Variants in MAGI3 observed in about 807,000 individuals in gnomAD.
The protein encoded by MAGI3 is membrane-associated guanylate kinase, WW and PDZ domain-containing protein 3.
In MAGI3, 43 loss-of-function variants were observed where a neutral mutation model predicts 121.8. The observed-to-expected ratio is 0.35, with a 90% confidence interval of 0.28 to 0.46. MAGI3 has a LOEUF of 0.46. MAGI3 is among the 20% of genes least tolerant of loss of function. The pLI is 1.00. For missense variants in MAGI3, 1,547 were observed against 1,797.3 expected, an observed-to-expected ratio of 0.86 and a Z score of 2.52; for synonymous variants, 553 against 639.3, an observed-to-expected ratio of 0.86 and a Z score of 2.04.
At chr1:113,603,788 A>T (rs867655057) in intron 6 of MAGI3, among the ~76,000 whole-genome samples, 8 of 152,320 alleles carry the variant, frequency 5.3e-5, no homozygotes, top group Middle Eastern at 3.4e-3. Flanking sequence ...CAGAAAAATA[A>T]ATAAATAAAA....
At chr1:113,549,478 A>G (rs764774063) in intron 1 of MAGI3, 37 bp from the exon 2 acceptor site, 5 of 1,206,616 alleles carry the variant, frequency 4.1e-6, no homozygotes, top group Non-Finnish European at 6.0e-6. Flanking sequence ...AAAATTATGC[A>G]TTTATTTTCT....
chr1:113,538,014 C>G (rs1449328519), intron 1 of MAGI3, among the ~76,000 whole-genome samples: 1 of 152,170 alleles, frequency 6.6e-6, no homozygotes, highest in African/African-American at 2.4e-5. Context: ...TAACCATTTA[C>G]TGCAGAAAAG....
intron 1 of MAGI3, among the ~76,000 whole-genome samples, chr1:113,439,120 A>G (rs998232377): frequency 6.6e-6 from 1 of 152,222 alleles, no homozygotes; most frequent in African/African-American, 2.4e-5. Context: ...GCAAGCTAAT[A>G]AGTAACTAAT....
chr1:113,488,679 G>A (rs1656520940), intron 1 of MAGI3, among the ~76,000 whole-genome samples: 1 of 152,180 alleles, frequency 6.6e-6, no homozygotes, highest in Non-Finnish European at 1.5e-5. Flanking sequence ...GTGTGAGGGA[G>A]TGCAGTCCGA....
intron 1 of MAGI3, among the ~76,000 whole-genome samples, chr1:113,446,990 G>A (rs1267942754): frequency 6.6e-6 from 1 of 152,150 alleles, no homozygotes; most frequent in Non-Finnish European, 1.5e-5. Context: ...GGTTGCCAGG[G>A]GTGCAGTGGA....
rs1303012710 is a variant in MAGI3, at chr1:113,423,260, G to GT, written c.316+31911_316+31912insT. 1.6e-3 allele frequency among the ~76,000 whole-genome samples: 143 copies of GT among 92,238 alleles called. 1 individual carries two copies. Among genetic ancestry groups the GT allele is most frequent in the Non-Finnish European group, 2.6e-3 (111 of 42,678 alleles). The allele number at this position is 92,238 out of a possible 152,430, so 60.5% of individuals were successfully genotyped here. A position where few individuals can be genotyped will look rare whatever the true frequency, so the allele number is the denominator to read the frequency against. On this transcript the variant is annotated intron_variant, in intron 1 of 20. Coordinates refer to ENST00000307546, the MANE Select transcript of MAGI3 (RefSeq NM_001142782.2). ...GGTAAGTATTCGTTTTTTTTTTTTT[G>GT]GGGGGGGGGTTGTTTTTGTTTTTGT...
chr1:113,413,090 G>A (rs1484293366), intron 1 of MAGI3, among the ~76,000 whole-genome samples: 11 of 151,980 alleles, frequency 7.2e-5, no homozygotes, highest in Admixed American at 5.2e-4. Context: ...TCAGCTTTCT[G>A]TATATGGCTA....
intron 1 of MAGI3, among the ~76,000 whole-genome samples, chr1:113,547,718 G>T (rs1451337593): frequency 7.2e-5 from 11 of 152,122 alleles, no homozygotes; most frequent in Admixed American, 2.0e-4. Flanking sequence ...GTGATGAATA[G>T]TATACTGTAT....
intron 1 of MAGI3, among the ~76,000 whole-genome samples, chr1:113,417,355 G>A (rs1652509144): frequency 6.6e-6 from 1 of 152,054 alleles, no homozygotes; most frequent in African/African-American, 2.4e-5. Context: ...TATTATAGAA[G>A]TGGATTTTGG....
chr1:113,571,452 G>A (rs1008426361), intron 2 of MAGI3, among the ~76,000 whole-genome samples: 1 of 152,142 alleles, frequency 6.6e-6, no homozygotes, highest in African/African-American at 2.4e-5. Flanking sequence ...GCTTGATGGG[G>A]ATAGCATTGA....
rs1289165296 is a variant in MAGI3 at position 113,461,300 on chromosome 1, T to A, written c.316+69951T>A. ...GGGAATCCTAAGCAAAAAGAACAAGTGCCAGAGGCATCATGTTACCCAACT... is the reference window on the plus strand; with the variant it reads ...GGGAATCCTAAGCAAAAAGAACAAGAGCCAGAGGCATCATGTTACCCAACT... On this transcript the variant is annotated intron_variant, in intron 1 of 20. Coordinates refer to ENST00000307546, the MANE Select transcript of MAGI3 (RefSeq NM_001142782.2). Among the ~76,000 whole-genome samples the A allele has an allele frequency of 2.6e-5, 4 of 151,984 alleles. No individual in the cohort carries two copies. In the East Asian group the frequency reaches 5.8e-4, roughly 22 times the overall value.
At chr1:113,548,805 G>A (rs1051324082) in intron 1 of MAGI3, among the ~76,000 whole-genome samples, 1 of 152,222 alleles carries the variant, frequency 6.6e-6, no homozygotes, top group African/African-American at 2.4e-5. Context: ...CCGATTAGAA[G>A]GCTGGGACAG....
At chr1:113,530,842 G>T (rs1658681324) in intron 1 of MAGI3, among the ~76,000 whole-genome samples, 1 of 151,918 alleles carries the variant, frequency 6.6e-6, no homozygotes. Context: ...CTTGAGCCTA[G>T]GGGGTCGAGG....
chr1:113,421,205 G>T (rs890225091), intron 1 of MAGI3, among the ~76,000 whole-genome samples: 22 of 152,148 alleles, frequency 1.4e-4, no homozygotes, highest in Middle Eastern at 3.4e-3. Flanking sequence ...AAATTTCCAT[G>T]GTTTCTGTAG....
intron 2 of MAGI3, among the ~76,000 whole-genome samples, chr1:113,561,253 C>G (rs372643835): frequency 6.6e-6 from 1 of 152,218 alleles, no homozygotes. Flanking sequence ...GGACTCCTCC[C>G]TAACCATTTT....
At chr1:113,619,250 T>G (rs1200899924) in intron 7 of MAGI3, among the ~76,000 whole-genome samples, 3 of 152,220 alleles carry the variant, frequency 2.0e-5, no homozygotes, top group Non-Finnish European at 4.4e-5. Context: ...TTTTCTTAGT[T>G]GCTACTGAAC....
At chr1:113,532,237 C>G (rs1011970630) in intron 1 of MAGI3, among the ~76,000 whole-genome samples, 4 of 151,920 alleles carry the variant, frequency 2.6e-5, no homozygotes, top group Non-Finnish European at 4.4e-5. Context: ...TTTATAGAGT[C>G]AAATATGAAT....
intron 6 of MAGI3, among the ~76,000 whole-genome samples, chr1:113,609,605 A>T (rs1376218458): frequency 6.6e-6 from 1 of 152,216 alleles, no homozygotes; most frequent in Admixed American, 6.5e-5. Flanking sequence ...GCAGCTTACA[A>T]ATATATTGAA....
rs181520567 is a variant in MAGI3, at chr1:113,578,351, C to T, written c.434-2191C>T. Among the ~76,000 whole-genome samples the T allele has an allele frequency of 8.5e-5, 13 of 152,198 alleles. No homozygotes were observed. In the East Asian group the frequency reaches 2.1e-3, roughly 25 times the overall value. On this transcript the variant is annotated intron_variant, in intron 2 of 20. Transcript: ENST00000307546. The stretch of plus-strand genomic sequence containing the variant: ...CCACCTCTTAGGAGGTGCAGAATAT[C>T]GTCATCATATTTTTTCCATCTGTCA...
Sources: allele counts gnomAD v4.1 joint callset (sites outside exome capture counted in the v4.1 genomes callset), GRCh38; gene constraint gnomAD v4.1.1; transcripts MANE v1.5; gene names NCBI Gene and HGNC (gene_info 2026-07-23, HGNC 2026-07-21).